SCHIP1: variants seen among roughly 807,000 people sequenced by gnomAD.
The protein encoded by SCHIP1 is schwannomin interacting protein 1, also known as schwannomin-interacting protein 1.
Under a neutral mutation model 29.7 loss-of-function variants are expected in SCHIP1, and 8 were observed. The ratio of observed to expected loss-of-function variants is 0.27; its 90% CI spans 0.16 to 0.49. The LOEUF is 0.49. Ranked by LOEUF, SCHIP1 falls within the 20% of genes least tolerant of loss-of-function variation. SCHIP1 has a pLI of 0.99. For missense variants in SCHIP1, 193 were observed against 294.6 expected (o/e 0.66, Z 2.52); for synonymous variants, 76 against 94.9 (o/e 0.80, Z 1.16).
the SCHIP1 span, among the ~76,000 whole-genome samples, chr3:159,767,650 T>C: frequency 6.6e-6 from 1 of 152,126 alleles, no homozygotes; most frequent in African/African-American, 2.4e-5. Context: ...AGCCTATTCC[T>C]ACTTCAGGGC....
the SCHIP1 span, among the ~76,000 whole-genome samples, chr3:159,357,313 C>T: frequency 6.6e-6 from 1 of 152,136 alleles, no homozygotes; most frequent in Non-Finnish European, 1.5e-5. Flanking sequence ...ACAGAAGAGA[C>T]TAAGGAGAAA....
At chr3:159,538,026 CA>C in the SCHIP1 span, among the ~76,000 whole-genome samples, 1 of 152,074 alleles carries the variant, frequency 6.6e-6, no homozygotes, top group Non-Finnish European at 1.5e-5. Flanking sequence ...TGTGGTGGAT[CA>C]AAGGAGATTA....
At chr3:159,410,251 G>C in the SCHIP1 span, among the ~76,000 whole-genome samples, 1 of 152,174 alleles carries the variant, frequency 6.6e-6, no homozygotes, top group East Asian at 1.9e-4. Flanking sequence ...TACAAGCACA[G>C]ACAACCAAAG....
At chr3:159,378,792 C>T in the SCHIP1 span, among the ~76,000 whole-genome samples, 1 of 152,220 alleles carries the variant, frequency 6.6e-6, no homozygotes, top group Admixed American at 6.5e-5. Flanking sequence ...AGAAGTCTGC[C>T]TCTAAAGTCA....
At chr3:159,573,988 T>C in the SCHIP1 span, among the ~76,000 whole-genome samples, 1 of 152,214 alleles carries the variant, frequency 6.6e-6, no homozygotes, top group Non-Finnish European at 1.5e-5. Flanking sequence ...CTCTACACTG[T>C]TTATTCTAGT....
chr3:159,697,695 A>T, the SCHIP1 span, among the ~76,000 whole-genome samples: 1 of 152,352 alleles, frequency 6.6e-6, no homozygotes, highest in South Asian at 2.1e-4. Context: ...TCAACAATTG[A>T]GAAGTAACAA....
the SCHIP1 span, among the ~76,000 whole-genome samples, chr3:159,426,795 G>C: frequency 6.6e-6 from 1 of 152,098 alleles, no homozygotes; most frequent in Non-Finnish European, 1.5e-5. Flanking sequence ...ATAAAATACT[G>C]GCAAACTGAA....
the SCHIP1 span, among the ~76,000 whole-genome samples, chr3:159,304,993 G>A: frequency 6.6e-6 from 1 of 152,080 alleles, no homozygotes; most frequent in African/African-American, 2.4e-5. Context: ...AGCTCATAGA[G>A]ATCTCTTCTT....
the SCHIP1 span, among the ~76,000 whole-genome samples, chr3:159,750,263 GTA>G: frequency 0.043 from 1,062 of 24,796 alleles, 7 homozygotes; most frequent in Non-Finnish European, 0.074. Context: ...ATGTGTGTGT[GTA>G]TATATATATA....
At chr3:159,423,129 G>C in the SCHIP1 span, among the ~76,000 whole-genome samples, 1 of 152,204 alleles carries the variant, frequency 6.6e-6, no homozygotes, top group African/African-American at 2.4e-5. Flanking sequence ...GCGTGAGCGA[G>C]GCAGAAGACG....
chr3:159,502,798 G>A, the SCHIP1 span, among the ~76,000 whole-genome samples: 201 of 152,232 alleles, frequency 1.3e-3, 7 homozygotes, highest in South Asian at 0.041. Context: ...CCTTTCTAAC[G>A]TCTACCTCTT....
At chr3:159,406,113 C>G in the SCHIP1 span, among the ~76,000 whole-genome samples, 2 of 151,292 alleles carry the variant, frequency 1.3e-5, no homozygotes, top group Non-Finnish European at 2.9e-5. Context: ...AATATTCAAG[C>G]AGAAGAAGGT....
the SCHIP1 span, among the ~76,000 whole-genome samples, chr3:159,638,203 C>A: frequency 7.2e-5 from 11 of 152,136 alleles, no homozygotes; most frequent in Non-Finnish European, 1.3e-4. Context: ...TTTCCGTGTA[C>A]CTCAATTTTT....
At chr3:159,764,260 G>A in the SCHIP1 span, 2 of 597,512 alleles carry the variant, frequency 3.3e-6, no homozygotes, top group African/African-American at 3.8e-5. The surrounding 1 kb of genome is among the most constrained non-coding windows in gnomAD (Gnocchi z 6.1). Context: ...TGTGCGAGAG[G>A]AAAGGCGGGC....
Position 159,874,824 on chromosome 3 carries a change from T to C in SCHIP1, c.149+8543T>C, listed in dbSNP as rs1270833695. ...CCTGTCTGTGGCATCTTTCTTGAAA[T>C]AATAGATGCATACTGTAGCAACCTA... On this transcript the variant is annotated intron_variant, in intron 2 of 6. Coordinates refer to ENST00000445224, the Ensembl canonical transcript of SCHIP1. Among the ~76,000 whole-genome samples, 4 of 152,196 alleles carry C rather than the reference T, an allele frequency of 2.6e-5. No homozygotes were observed. The East Asian group carries it at 7.7e-4, about 29-fold the overall frequency.
chr3:159,504,619 A>T, the SCHIP1 span, among the ~76,000 whole-genome samples: 2 of 152,174 alleles, frequency 1.3e-5, no homozygotes, highest in Non-Finnish European at 2.9e-5. Context: ...TGATTAGCCC[A>T]TTAGACTCTA....
At chr3:159,833,979 T>C in the SCHIP1 span, among the ~76,000 whole-genome samples, 2 of 152,210 alleles carry the variant, frequency 1.3e-5, no homozygotes, top group Non-Finnish European at 2.9e-5. Context: ...GTCTTTGCCC[T>C]TCCATTCCCA....
the SCHIP1 span, among the ~76,000 whole-genome samples, chr3:159,720,761 T>C: frequency 6.6e-6 from 1 of 152,086 alleles, no homozygotes; most frequent in African/African-American, 2.4e-5. Flanking sequence ...ATTTTTGTAT[T>C]TTTAGTAGAG....
chr3:159,480,610 A>G, the SCHIP1 span, among the ~76,000 whole-genome samples: 2 of 152,196 alleles, frequency 1.3e-5, no homozygotes, highest in African/African-American at 2.4e-5. Flanking sequence ...TCTCAAAACA[A>G]AAGAACACTA....
Sources: allele counts gnomAD v4.1 joint callset (sites outside exome capture counted in the v4.1 genomes callset), GRCh38; gene constraint gnomAD v4.1.1; non-coding constraint Gnocchi (gnomAD v3.1); transcripts MANE v1.5; gene names NCBI Gene and HGNC (gene_info 2026-07-23, HGNC 2026-07-21).